Variants in AKR1C8 observed in about 807,000 individuals in gnomAD.
AKR1C8 encodes aldo-keto reductase family 1 member C-like protein 1.
chr10:5,132,150 G>T, the AKR1C8 span, among the ~76,000 whole-genome samples: 1 of 151,726 alleles, frequency 6.6e-6, no homozygotes, highest in African/African-American at 2.4e-5. Flanking sequence ...ACATACAGAT[G>T]ATATAATGGC....
the AKR1C8 span, among the ~76,000 whole-genome samples, chr10:5,176,968 T>C: frequency 2.0e-5 from 3 of 152,140 alleles, no homozygotes; most frequent in African/African-American, 4.8e-5. Flanking sequence ...ATACCCTTTA[T>C]TTCCTTCTCC....
At chr10:5,117,051 T>G in the AKR1C8 span, among the ~76,000 whole-genome samples, 3 of 152,166 alleles carry the variant, frequency 2.0e-5, no homozygotes, top group African/African-American at 7.2e-5. Flanking sequence ...TTTTTACATT[T>G]TTACATTGAA....
At chr10:5,151,462 TAGA>T in the AKR1C8 span, among the ~76,000 whole-genome samples, 1 of 152,056 alleles carries the variant, frequency 6.6e-6, no homozygotes, top group Non-Finnish European at 1.5e-5. Flanking sequence ...GCTTGGAGGT[TAGA>T]AGCAGGATGG....
chr10:5,182,338 G>A, the AKR1C8 span, among the ~76,000 whole-genome samples: 13 of 152,098 alleles, frequency 8.5e-5, no homozygotes, highest in South Asian at 2.1e-4. Context: ...CTTAACTTCC[G>A]AAACCAATAA....
chr10:5,153,129 C>T, the AKR1C8 span, among the ~76,000 whole-genome samples: 1 of 152,166 alleles, frequency 6.6e-6, no homozygotes. Context: ...CTCCACTAGA[C>T]TACAAACTCA....
At chr10:5,179,572 G>T in the AKR1C8 span, among the ~76,000 whole-genome samples, 1 of 150,762 alleles carries the variant, frequency 6.6e-6, no homozygotes, top group South Asian at 2.1e-4. Flanking sequence ...CCTGCAGAGG[G>T]TTTTCCAACT....
the AKR1C8 span, among the ~76,000 whole-genome samples, chr10:5,150,981 G>A: frequency 1.3e-5 from 2 of 152,128 alleles, no homozygotes; most frequent in Non-Finnish European, 2.9e-5. Context: ...AGACTCAGGG[G>A]TTGGAATTTT....
the AKR1C8 span, among the ~76,000 whole-genome samples, chr10:5,168,362 A>G: frequency 6.6e-6 from 1 of 151,738 alleles, no homozygotes; most frequent in Admixed American, 6.6e-5. Flanking sequence ...TCTTGTTCCC[A>G]TTTTCCAGAG....
the AKR1C8 span, among the ~76,000 whole-genome samples, chr10:5,159,520 C>T: frequency 6.6e-6 from 1 of 152,112 alleles, no homozygotes; most frequent in South Asian, 2.1e-4. Flanking sequence ...CCTACCTGTT[C>T]CTTTTCATCC....
At chr10:5,159,327 G>A in the AKR1C8 span, among the ~76,000 whole-genome samples, 2 of 152,192 alleles carry the variant, frequency 1.3e-5, no homozygotes, top group Non-Finnish European at 2.9e-5. Flanking sequence ...GTGGATCGAT[G>A]AGTAAGCCAT....
chr10:5,130,270 T>C, the AKR1C8 span, among the ~76,000 whole-genome samples: 8 of 152,102 alleles, frequency 5.3e-5, no homozygotes, highest in Non-Finnish European at 8.8e-5. Flanking sequence ...GGGACTTCCC[T>C]GAAAATAATA....
chr10:5,133,206 C>G, the AKR1C8 span, among the ~76,000 whole-genome samples: 13 of 152,056 alleles, frequency 8.5e-5, no homozygotes, highest in African/African-American at 3.1e-4. Context: ...AAACAATCCT[C>G]TCACCTCCGT....
chr10:5,127,010 G>C, the AKR1C8 span, among the ~76,000 whole-genome samples: 1 of 152,106 alleles, frequency 6.6e-6, no homozygotes, highest in African/African-American at 2.4e-5. Context: ...CATCAGAAAA[G>C]TAATTATGGT....
the AKR1C8 span, among the ~76,000 whole-genome samples, chr10:5,151,965 A>G: frequency 1.3e-5 from 2 of 152,180 alleles, no homozygotes; most frequent in African/African-American, 4.8e-5. Context: ...GTAGGAATAG[A>G]GTTGACCTCA....
chr10:5,115,902 G>A, the AKR1C8 span, among the ~76,000 whole-genome samples: 1 of 152,074 alleles, frequency 6.6e-6, no homozygotes, highest in Non-Finnish European at 1.5e-5. Flanking sequence ...CCTCTTTTCT[G>A]CAGTTGGTCA....
the AKR1C8 span, among the ~76,000 whole-genome samples, chr10:5,153,628 C>T: frequency 5.6e-4 from 86 of 152,214 alleles, no homozygotes; most frequent in Admixed American, 1.8e-3. Context: ...CAAGGGGGAG[C>T]AGACGCGTCT....
the AKR1C8 span, among the ~76,000 whole-genome samples, chr10:5,125,262 G>T: frequency 6.6e-6 from 1 of 152,038 alleles, no homozygotes; most frequent in Non-Finnish European, 1.5e-5. Context: ...GGAAACAATG[G>T]TAAATCTCAA....
At chr10:5,132,760 T>G in the AKR1C8 span, 71 of 1,411,894 alleles carry the variant, frequency 5.0e-5, no homozygotes, top group South Asian at 7.5e-4. Context: ...ACAACTCTAT[T>G]CCTAGGAACC....
the AKR1C8 span, among the ~76,000 whole-genome samples, chr10:5,140,651 G>A: frequency 6.6e-6 from 1 of 151,818 alleles, no homozygotes; most frequent in Non-Finnish European, 1.5e-5. Context: ...CTGTTGTGGG[G>A]TGGGGGGTTG....
Sources: allele counts gnomAD v4.1 joint callset (sites outside exome capture counted in the v4.1 genomes callset), GRCh38; gene constraint gnomAD v4.1.1; transcripts MANE v1.5; gene names NCBI Gene and HGNC (gene_info 2026-07-23, HGNC 2026-07-21).